Variants in TAFA1 observed in about 807,000 individuals in gnomAD.
TAFA1 encodes chemokine-like protein TAFA-1.
Under a neutral mutation model 18.5 loss-of-function variants are expected in TAFA1, and 4 were observed. The ratio of observed to expected loss-of-function variants is 0.22; its 90% CI spans 0.11 to 0.49. TAFA1 has a LOEUF of 0.49. Ranked by LOEUF, TAFA1 falls within the 20% of genes least tolerant of loss-of-function variation. The probability of loss-of-function intolerance (pLI) is 0.98; values close to 1 mark genes in which losing one functional copy is unlikely to be tolerated. For synonymous variants in TAFA1, 56 were observed against 55.2 expected, an observed-to-expected ratio of 1.01 and a Z score of -0.06; for missense variants, 147 against 169.0, an observed-to-expected ratio of 0.87 and a Z score of 0.72.
At chr3:68,091,668 T>G (rs2065031297) in intron 2 of TAFA1, among the ~76,000 whole-genome samples, 1 of 152,050 alleles carries the variant, frequency 6.6e-6, no homozygotes, top group Non-Finnish European at 1.5e-5. Context: ...AATGAATGAA[T>G]GAGCAAACTG....
At chr3:68,356,551 C>T (rs2069369091) in intron 2 of TAFA1, among the ~76,000 whole-genome samples, 1 of 151,838 alleles carries the variant, frequency 6.6e-6, no homozygotes, top group Non-Finnish European at 1.5e-5. Context: ...GAGCACTTAA[C>T]CGTGTACTGG....
intron 2 of TAFA1, among the ~76,000 whole-genome samples, chr3:68,389,392 A>T (rs1316737120): frequency 1.3e-5 from 2 of 151,954 alleles, no homozygotes; most frequent in Non-Finnish European, 2.9e-5. Context: ...CATTTTTTCT[A>T]TTATGAATAA....
At chr3:68,035,445 A>G (rs1705025910) in intron 2 of TAFA1, among the ~76,000 whole-genome samples, 1 of 152,158 alleles carries the variant, frequency 6.6e-6, no homozygotes, top group South Asian at 2.1e-4. Context: ...TTATTTTATA[A>G]CATTATACAT....
intron 2 of TAFA1, among the ~76,000 whole-genome samples, chr3:68,169,425 A>T (rs1328063931): frequency 1.3e-5 from 2 of 152,252 alleles, no homozygotes; most frequent in Admixed American, 1.3e-4. Context: ...AGGAAACCTG[A>T]ACTGGAGTCT....
At chr3:68,184,432 C>T (rs2106994701) in intron 2 of TAFA1, among the ~76,000 whole-genome samples, 1 of 152,122 alleles carries the variant, frequency 6.6e-6, no homozygotes, top group East Asian at 1.9e-4. Context: ...AACATATTTT[C>T]TACATTTATG....
At chr3:68,166,077 T>A (rs958147198) in intron 2 of TAFA1, among the ~76,000 whole-genome samples, 1 of 149,920 alleles carries the variant, frequency 6.7e-6, no homozygotes, top group Admixed American at 6.7e-5. Context: ...TAGAAAATTC[T>A]GCGCAAAGTC....
intron 2 of TAFA1, among the ~76,000 whole-genome samples, chr3:68,022,436 C>T (rs1022248865): frequency 6.6e-6 from 1 of 151,996 alleles, no homozygotes; most frequent in Non-Finnish European, 1.5e-5. Context: ...TGGGTAACTC[C>T]AATAGTATCT....
chr3:68,328,916 A>AG (rs1416471887), intron 2 of TAFA1, among the ~76,000 whole-genome samples: 2 of 152,058 alleles, frequency 1.3e-5, no homozygotes, highest in Non-Finnish European at 2.9e-5. Flanking sequence ...ATGTTATGAA[A>AG]TAAAAATCAA....
intron 2 of TAFA1, among the ~76,000 whole-genome samples, chr3:68,356,557 A>G (rs1405832605): frequency 6.6e-6 from 1 of 151,878 alleles, no homozygotes; most frequent in East Asian, 1.9e-4. Flanking sequence ...TTAACCGTGT[A>G]CTGGGCTGTA....
chr3:68,168,747 C>T (rs1397361806), intron 2 of TAFA1, among the ~76,000 whole-genome samples: 1 of 152,144 alleles, frequency 6.6e-6, no homozygotes, highest in Non-Finnish European at 1.5e-5. Flanking sequence ...TTCAAATGTG[C>T]ATATTTTCTT....
chr3:68,417,569 T>A lies in TAFA1; in HGVS notation c.259+149T>A. ...ATACAATTGCCAGCCTCAGCAGAGT[T>A]TGAATTCTTTTTTCTCTGGTGCTAT... is the stretch of plus-strand genomic sequence containing the variant. On this transcript the variant is annotated intron_variant, in intron 3 of 4. Coordinates refer to ENST00000478136, the MANE Select transcript of TAFA1 (RefSeq NM_213609.4). The A allele has an allele frequency of 4.1e-6, 3 of 730,024 alleles. No individual in the cohort carries two copies. The East Asian group carries it at 8.0e-5, about 20-fold the overall frequency. 45.2% of individuals were successfully genotyped at this position (730,024 alleles called of 1,614,324 possible).
At chr3:68,281,867 C>G (rs1031143863) in intron 2 of TAFA1, among the ~76,000 whole-genome samples, 4 of 152,062 alleles carry the variant, frequency 2.6e-5, no homozygotes, top group African/African-American at 7.2e-5. Context: ...ATTTCTGATC[C>G]ACAGAAGAGA....
At chr3:68,016,403 T>G (rs1704570932) in intron 2 of TAFA1, among the ~76,000 whole-genome samples, 1 of 152,186 alleles carries the variant, frequency 6.6e-6, no homozygotes, top group Admixed American at 6.5e-5. Flanking sequence ...CATATGCAGG[T>G]TTGTCATATA....
intron 2 of TAFA1, among the ~76,000 whole-genome samples, chr3:68,208,633 C>T (rs916121442): frequency 1.3e-5 from 2 of 151,918 alleles, no homozygotes; most frequent in African/African-American, 4.8e-5. Flanking sequence ...GAAAGTAAGG[C>T]CAGTTGGCCT....
intron 2 of TAFA1, among the ~76,000 whole-genome samples, chr3:68,123,878 CAAAAA>C (rs758966848): frequency 9.7e-5 from 7 of 72,144 alleles, no homozygotes; most frequent in African/African-American, 3.8e-4. Context: ...CTTTTTTTTC[CAAAAA>C]AAAAAAAAAA....
At chr3:68,392,763 T>C (rs765397924) in intron 2 of TAFA1, among the ~76,000 whole-genome samples, 2 of 152,112 alleles carry the variant, frequency 1.3e-5, no homozygotes, top group Non-Finnish European at 2.9e-5. Flanking sequence ...GATTGCTAAG[T>C]AAATAACAAA....
At chr3:68,170,882 A>ACT (rs1553648032) in intron 2 of TAFA1, among the ~76,000 whole-genome samples, 11 of 152,008 alleles carry the variant, frequency 7.2e-5, no homozygotes, top group African/African-American at 2.7e-4. Flanking sequence ...ACACACACAC[A>ACT]CACGTACACA....
At chr3:68,395,686 C>T (rs576407080) in intron 2 of TAFA1, among the ~76,000 whole-genome samples, 1 of 152,240 alleles carries the variant, frequency 6.6e-6, no homozygotes, top group African/African-American at 2.4e-5. Flanking sequence ...AACCATCATT[C>T]TCAGCAAACT....
chr3:68,295,130 T>C (rs1377433840), intron 2 of TAFA1, among the ~76,000 whole-genome samples: 3 of 152,126 alleles, frequency 2.0e-5, no homozygotes, highest in Non-Finnish European at 2.9e-5. Flanking sequence ...AATGAGATAA[T>C]GTGAAGGGAA....
Sources: allele counts gnomAD v4.1 joint callset (sites outside exome capture counted in the v4.1 genomes callset), GRCh38; gene constraint gnomAD v4.1.1; transcripts MANE v1.5; gene names NCBI Gene and HGNC (gene_info 2026-07-23, HGNC 2026-07-21).